CHFR: variants seen among roughly 807,000 people sequenced by gnomAD.
CHFR encodes the protein checkpoint with forkhead and ring finger domains.
Under a neutral mutation model 87.6 loss-of-function variants are expected in CHFR, and 57 were observed. That is an observed-to-expected ratio of 0.65 (90% CI 0.53 to 0.81). The LOEUF is 0.81. Among genes scored for constraint, CHFR ranks in the 30% least tolerant of loss-of-function variants. CHFR has a pLI of 0.00. For synonymous variants in CHFR, 381 were observed against 359.2 expected, an observed-to-expected ratio of 1.06 and a Z score of -0.69; for missense variants, 797 against 865.8, an observed-to-expected ratio of 0.92 and a Z score of 1.00.
intron 2 of CHFR, among the ~76,000 whole-genome samples, chr12:132,884,697 G>A (rs1330206672): frequency 6.6e-6 from 1 of 152,158 alleles, no homozygotes; most frequent in African/African-American, 2.4e-5. Context: ...TGAGGACACA[G>A]CAAGAAAGTG....
chr12:132,878,188 C>T (rs1195803474), intron 2 of CHFR, among the ~76,000 whole-genome samples: 1 of 151,754 alleles, frequency 6.6e-6, no homozygotes, highest in Non-Finnish European at 1.5e-5. Flanking sequence ...GGCAATTTTA[C>T]AGCCAGGCGC....
chr12:132,840,813 T>TG lies in CHFR; in HGVS notation c.*740dup, dbSNP rs1722609409. ...CAAGGGAGCAGCATGTCCTGGGACC[T>TG]GCGTCCAGCCCCAGGCTCGGGGCCG... On this transcript the variant is annotated 3_prime_UTR_variant, in exon 18 of 18. Coordinates refer to ENST00000450056, the MANE Select transcript of CHFR (RefSeq NM_001161346.2). The TG allele has an allele frequency of 6.6e-6, 1 of 152,410 alleles. No homozygotes were observed. Among genetic ancestry groups the TG allele is most frequent in the South Asian group, 2.1e-4 (1 of 4,834 alleles). 9.4% of individuals were successfully genotyped at this position (152,410 alleles called of 1,614,324 possible).
chr12:132,875,749 T>C (rs1453877183), intron 3 of CHFR, among the ~76,000 whole-genome samples: 1 of 152,170 alleles, frequency 6.6e-6, no homozygotes, highest in Non-Finnish European at 1.5e-5. Context: ...CAGTGTTATT[T>C]ATAGTAAGAA....
At chr12:132,853,797 CCCA>C in intron 10 of CHFR, 2 of 537,320 alleles carry the variant, frequency 3.7e-6, no homozygotes, top group South Asian at 5.3e-5. Context: ...CAGCTCAGCC[CCCA>C]CGCTTTGGAG....
At chr12:132,856,358 C>A (rs1296970049) in intron 10 of CHFR, 110 bp downstream of exon 10, 2 of 1,196,518 alleles carry the variant, frequency 1.7e-6, no homozygotes, top group African/African-American at 3.0e-5. Context: ...CTGCTCAGGG[C>A]AGAACTAGAT....
At chr12:132,851,486 C>T (rs1193309272) in intron 12 of CHFR, 132 bp downstream of exon 12, 2 of 1,080,668 alleles carry the variant, frequency 1.9e-6, no homozygotes, top group East Asian at 2.6e-5. Context: ...GTGGGGAAAA[C>T]TGATCACACT....
At chr12:132,871,047 A>G (rs1446324809) in intron 4 of CHFR, among the ~76,000 whole-genome samples, 1 of 152,234 alleles carries the variant, frequency 6.6e-6, no homozygotes, top group Non-Finnish European at 1.5e-5. Context: ...TTCAAACTAC[A>G]CAAAGGAGCA....
chr12:132,861,420 C>G, intron 7 of CHFR, 47 bp downstream of exon 7: 1 of 1,593,364 alleles, frequency 6.3e-7, no homozygotes, highest in Non-Finnish European at 8.6e-7. Context: ...CCCGCATGCC[C>G]CAGGAGCACA....
intron 11 of CHFR, among the ~76,000 whole-genome samples, chr12:132,852,023 G>C (rs1566180548): frequency 6.6e-6 from 1 of 151,586 alleles, no homozygotes; most frequent in African/African-American, 2.4e-5. Flanking sequence ...TCACTCTGTC[G>C]CTCAGGCTGG....
In CHFR at chr12:132,878,605, G is replaced by C. The variant is rs542716211; in HGVS notation, c.134-951C>G. ...CACACCGAGGCGGGCAGATCACAAG[G>C]TCAGGAGATCGAGACCATCCTGGCT... On this transcript the variant is annotated intron_variant, in intron 2 of 17. Coordinates refer to ENST00000450056, the MANE Select transcript of CHFR (RefSeq NM_001161346.2). 1.5e-3 allele frequency among the ~76,000 whole-genome samples: 233 copies of C among 151,960 alleles called. 1 individual carries two copies. Among genetic ancestry groups the C allele is most frequent in the African/African-American group, 5.4e-3 (223 of 41,474 alleles).
intron 14 of CHFR, 170 bp downstream of exon 14, chr12:132,847,915 G>A: frequency 6.8e-7 from 1 of 1,463,530 alleles, no homozygotes. Flanking sequence ...AAACACCAAT[G>A]GCATGCAGAG....
In CHFR at chr12:132,832,588, T is replaced by C. The variant is rs1186821585; in HGVS notation, c.*8966A>G. On this transcript the variant is annotated 3_prime_UTR_variant, in exon 18 of 18. Transcript: ENST00000450056. ...TTAAAATATCAAGGTACTCCATAAATATATACACCTTTTATGTACCCACAG... is the reference window on the plus strand; with the variant it reads ...TTAAAATATCAAGGTACTCCATAAACATATACACCTTTTATGTACCCACAG... 2 of 152,162 alleles carry C rather than the reference T, an allele frequency of 1.3e-5. No homozygotes were observed. Among genetic ancestry groups the C allele is most frequent in the Non-Finnish European group, 2.9e-5 (2 of 68,016 alleles). The allele number at this position is 152,162 out of a possible 1,614,324, so 9.4% of individuals were successfully genotyped here. A position where few individuals can be genotyped will look rare whatever the true frequency, so the allele number is the denominator to read the frequency against.
chr12:132,875,929 C>T (rs1412021826), intron 3 of CHFR, among the ~76,000 whole-genome samples: 1 of 152,070 alleles, frequency 6.6e-6, no homozygotes, highest in Non-Finnish European at 1.5e-5. Flanking sequence ...AATCCCAGCA[C>T]TTTGGGAGGC....
At chr12:132,861,041 C>T (rs962881818) in intron 7 of CHFR, among the ~76,000 whole-genome samples, 13 of 152,136 alleles carry the variant, frequency 8.5e-5, no homozygotes, top group African/African-American at 2.9e-4. Context: ...GCGGGAGCCA[C>T]GGTGTCAGGC....
At chr12:132,856,905 G>A (rs12822949) in intron 9 of CHFR, among the ~76,000 whole-genome samples, 38,059 of 146,486 alleles carry the variant, frequency 0.26, 5,162 homozygotes, top group Middle Eastern at 0.43. Context: ...CTGGTGGAGG[G>A]ACCGCCCTCA....
At chr12:132,851,816 C>A in intron 11 of CHFR, 79 bp from the exon 12 acceptor site, 1 of 1,512,030 alleles carries the variant, frequency 6.6e-7, no homozygotes, top group South Asian at 1.3e-5. Flanking sequence ...CGCCGGGAAG[C>A]ACAGCGAGGA....
At chr12:132,870,288 G>A (rs1593505319) in intron 5 of CHFR, among the ~76,000 whole-genome samples, 1 of 151,938 alleles carries the variant, frequency 6.6e-6, no homozygotes, top group Non-Finnish European at 1.5e-5. Context: ...GGAGGTGGAG[G>A]TTGCAGTGAG....
At chr12:132,882,893 A>G (rs1951800923) in intron 2 of CHFR, 1 of 151,982 alleles carries the variant, frequency 6.6e-6, no homozygotes, top group Admixed American at 6.6e-5. Flanking sequence ...TTTTGTAGAT[A>G]CAGGGTCTAT....
chr12:132,887,304 G>A lies in CHFR; in HGVS notation c.25C>T (p.Gln9Ter), dbSNP rs1334460653. Reference sequence around the variant, plus strand: ...CCCCAGGGCTGCGGCGGCGGCGACTGCTTGCCTTCCTCGGGCCGCTCCATC... The same window carrying A: ...CCCCAGGGCTGCGGCGGCGGCGACTACTTGCCTTCCTCGGGCCGCTCCATC... MERPEEGK[Q>*]SPPPQPWGRL... The change falls in exon 2 of 18, where the codon CAG (glutamine) becomes TAG (stop). Residue 9 changes from glutamine (Q) to a stop codon, truncating the protein, a stop_gained. Transcript: ENST00000450056. LOFTEE classifies it high-confidence loss of function. 3.4e-6 allele frequency: 5 copies of A among 1,480,146 alleles called. No individual in the cohort carries two copies. Among genetic ancestry groups the A allele is most frequent in the Non-Finnish European group, 4.5e-6 (5 of 1,122,634 alleles). The allele number at this position is 1,480,146 out of a possible 1,614,324, so 91.7% of individuals were successfully genotyped here.
Sources: allele counts gnomAD v4.1 joint callset (sites outside exome capture counted in the v4.1 genomes callset), GRCh38; gene constraint gnomAD v4.1.1; transcripts MANE v1.5; gene names NCBI Gene and HGNC (gene_info 2026-07-23, HGNC 2026-07-21).